Variants in MPDZ observed in about 807,000 individuals in gnomAD.
MPDZ encodes the protein multiple PDZ domain crumbs cell polarity complex component.
A neutral mutation model predicts 239.1 loss-of-function variants in MPDZ; 234 were observed. That is an observed-to-expected ratio of 0.98 (90% confidence interval 0.88 to 1.09). The LOEUF (loss-of-function observed/expected upper bound fraction) is 1.09, where lower values mean the gene tolerates loss of function less well. Among genes scored for constraint, MPDZ ranks in the 50% least tolerant of loss-of-function variants. The pLI is 0.00. For synonymous variants in MPDZ, 1,048 were observed against 881.3 expected, an observed-to-expected ratio of 1.19 and a Z score of -3.35; for missense variants, 3,175 against 2,510.0, an observed-to-expected ratio of 1.26 and a Z score of -5.66.
intron 22 of MPDZ, chr9:13,165,231 A>G (rs1950930972): frequency 1.2e-6 from 1 of 849,680 alleles, no homozygotes; most frequent in Non-Finnish European, 1.7e-6. Context: ...TAAACAAAGA[A>G]AACAATCTAA....
intron 22 of MPDZ, chr9:13,165,582 C>T (rs542800983): frequency 3.2e-6 from 2 of 626,412 alleles, no homozygotes; most frequent in African/African-American, 1.8e-5. Context: ...AAAGCATCTG[C>T]TCTTTACTAG....
intron 10 of MPDZ, among the ~76,000 whole-genome samples, chr9:13,207,071 A>G (rs532298082): frequency 1.3e-5 from 2 of 152,328 alleles, no homozygotes; most frequent in Admixed American, 6.5e-5. Context: ...TAAAAGGTAT[A>G]GAAGACAGTG....
intron 23 of MPDZ, among the ~76,000 whole-genome samples, chr9:13,162,036 G>A (rs996019682): frequency 3.9e-5 from 6 of 152,118 alleles, no homozygotes; most frequent in African/African-American, 7.2e-5. Context: ...AGGACGAGGT[G>A]GGCAGACTGC....
chr9:13,220,016 T>C (rs948960087), intron 7 of MPDZ, among the ~76,000 whole-genome samples: 1 of 152,012 alleles, frequency 6.6e-6, no homozygotes, highest in African/African-American at 2.4e-5. Context: ...ATTTTGATTC[T>C]ACCTACCAAG....
intron 2 of MPDZ, among the ~76,000 whole-genome samples, chr9:13,249,339 A>G (rs1206921403): frequency 2.0e-5 from 3 of 152,184 alleles, no homozygotes; most frequent in African/African-American, 4.8e-5. Flanking sequence ...AAATAATTCT[A>G]TATTTGCCCT....
intron 35 of MPDZ, 140 bp downstream of exon 35, chr9:13,125,076 C>G: frequency 1.5e-6 from 1 of 656,666 alleles, no homozygotes; most frequent in Non-Finnish European, 2.5e-6. Flanking sequence ...CTCTTTATAT[C>G]CTGCCCTCAC....
intron 39 of MPDZ, among the ~76,000 whole-genome samples, chr9:13,117,795 G>T (rs558750293): frequency 1.9e-3 from 283 of 149,776 alleles, no homozygotes; most frequent in Admixed American, 4.9e-3. Context: ...CAACAAACAT[G>T]TAAGTTATAC....
At chr9:13,153,291 T>C (rs1358575290) in intron 24 of MPDZ, among the ~76,000 whole-genome samples, 2 of 152,146 alleles carry the variant, frequency 1.3e-5, no homozygotes. Context: ...CTAGAAACTC[T>C]ACCTGTTTAG....
At chr9:13,132,424 G>GT (rs1409741420) in intron 32 of MPDZ, among the ~76,000 whole-genome samples, 2 of 152,162 alleles carry the variant, frequency 1.3e-5, no homozygotes, top group Non-Finnish European at 2.9e-5. Context: ...GAACTTGAAT[G>GT]TATCTGTTTG....
chr9:13,112,809 AT>A (rs1027618618), intron 42 of MPDZ, among the ~76,000 whole-genome samples: 1 of 152,236 alleles, frequency 6.6e-6, no homozygotes, highest in African/African-American at 2.4e-5. Context: ...AAAACAGAGC[AT>A]GCAAACAACG....
intron 12 of MPDZ, among the ~76,000 whole-genome samples, chr9:13,204,673 A>G (rs1423220394): frequency 2.0e-5 from 3 of 152,140 alleles, no homozygotes; most frequent in Non-Finnish European, 4.4e-5. Context: ...AATACTTTAT[A>G]ATTTTATTAC....
chr9:13,263,481 GAAC>G (rs1971155121), intron 1 of MPDZ, among the ~76,000 whole-genome samples: 1 of 150,898 alleles, frequency 6.6e-6, no homozygotes, highest in African/African-American at 2.4e-5. Flanking sequence ...AATTCTCCCA[GAAC>G]AATAATTTAT....
intron 19 of MPDZ, among the ~76,000 whole-genome samples, chr9:13,180,812 T>C (rs900166654): frequency 7.2e-5 from 11 of 152,284 alleles, no homozygotes; most frequent in South Asian, 6.2e-4. Context: ...CTTGAGTAAT[T>C]GTTATTTCCC....
chr9:13,275,580 T>C (rs1459615683), intron 1 of MPDZ, among the ~76,000 whole-genome samples: 1 of 152,166 alleles, frequency 6.6e-6, no homozygotes, highest in East Asian at 1.9e-4. Context: ...ACACCAAAAA[T>C]GTGGAAGTGG....
chr9:13,119,824 G>C, intron 38 of MPDZ, 175 bp from the exon 39 acceptor site: 1 of 668,820 alleles, frequency 1.5e-6, no homozygotes, highest in Non-Finnish European at 2.5e-6. Flanking sequence ...ATAAATAACA[G>C]CTTATGTCTT....
chr9:13,142,819 A>T (rs933964546), intron 27 of MPDZ, among the ~76,000 whole-genome samples: 7 of 152,134 alleles, frequency 4.6e-5, no homozygotes, highest in Non-Finnish European at 8.8e-5. Context: ...GTGTTTCCTG[A>T]AAAAAATTGT....
chr9:13,263,507 C>G (rs1971162583), intron 1 of MPDZ, among the ~76,000 whole-genome samples: 1 of 151,962 alleles, frequency 6.6e-6, no homozygotes, highest in African/African-American at 2.4e-5. Flanking sequence ...AGCTAGACTA[C>G]CTAATTCCAG....
chr9:13,171,383 A>T (rs1242630251), intron 21 of MPDZ, among the ~76,000 whole-genome samples: 2 of 152,158 alleles, frequency 1.3e-5, no homozygotes, highest in Non-Finnish European at 2.9e-5. Flanking sequence ...TACTGAATGT[A>T]TTGTACGGTC....
intron 22 of MPDZ, among the ~76,000 whole-genome samples, chr9:13,163,093 A>G (rs1303715592): frequency 6.6e-6 from 1 of 152,190 alleles, no homozygotes; most frequent in South Asian, 2.1e-4. Flanking sequence ...AAGGCTAACA[A>G]CAATTTTTTT....
Sources: gnomAD v4.1 joint callset for allele counts (sites outside exome capture counted in the v4.1 genomes callset) on GRCh38, gnomAD v4.1.1 for gene constraint, MANE v1.5 for transcripts, NCBI Gene and HGNC (gene_info 2026-07-23, HGNC 2026-07-21) for gene names.